The following MYO9A variants were observed in gnomAD, a reference collection of about 807,000 sequenced individuals.
The protein encoded by MYO9A is unconventional myosin-IXa.
A neutral mutation model predicts 293.3 loss-of-function variants in MYO9A; 103 were observed. The observed-to-expected ratio is 0.35, with a 90% CI of 0.30 to 0.41. MYO9A has a LOEUF of 0.41. Among genes scored for constraint, MYO9A ranks in the 10% least tolerant of loss-of-function variants. The pLI, the probability that MYO9A is intolerant of heterozygous loss-of-function variation, is 1.00. For synonymous variants in MYO9A, 1,001 were observed against 1,035.7 expected (o/e 0.97, Z 0.64); for missense variants, 2,685 against 3,033.0 (o/e 0.89, Z 2.69).
Position 71,851,248 on chromosome 15 carries a change from G to C in MYO9A, c.6581+5C>G. ...AAAAATCGTTCCCTTGCTTCTTAAA[G>C]TTACCTGACTAGATGAAAGATGAGG... On this transcript the variant is annotated splice_donor_5th_base_variant and intron_variant, in intron 37 of 41. Transcript: ENST00000356056. The C allele has an allele frequency of 6.2e-7, 1 of 1,606,944 alleles. No homozygotes were observed. Among genetic ancestry groups the C allele is most frequent in the South Asian group, 1.1e-5 (1 of 89,780 alleles).
At chr15:71,840,193 G>A (rs762166494) in intron 39 of MYO9A, among the ~76,000 whole-genome samples, 7 of 152,206 alleles carry the variant, frequency 4.6e-5, no homozygotes, top group Non-Finnish European at 8.8e-5. Flanking sequence ...GGGGACCCTG[G>A]AAACAATATC....
chr15:71,867,474 T>C (rs1195496164), intron 32 of MYO9A, among the ~76,000 whole-genome samples: 1 of 151,766 alleles, frequency 6.6e-6, no homozygotes, highest in Admixed American at 6.6e-5. Flanking sequence ...CAGGAAAACA[T>C]ACTTTCAACT....
chr15:72,114,085 T>A (rs190116592), intron 1 of MYO9A, among the ~76,000 whole-genome samples: 1 of 152,318 alleles, frequency 6.6e-6, no homozygotes, highest in Non-Finnish European at 1.5e-5. Flanking sequence ...TTTATTAGGT[T>A]CTTGTTCTTC....
chr15:71,983,305 T>A lies in MYO9A; in HGVS notation c.1723-5013A>T, dbSNP rs182307415. ...CTATTTTTGGCAATTCTAGAAAACA[T>A]GTATCCTTAACTTATCACTAACAGA... On this transcript the variant is annotated intron_variant, in intron 11 of 41. Coordinates refer to ENST00000356056, the MANE Select transcript of MYO9A (RefSeq NM_006901.4). 4.4e-3 allele frequency among the ~76,000 whole-genome samples: 668 copies of A among 152,060 alleles called. 30 individuals carry two copies. The highest frequency in any genetic ancestry group is 0.04 in the Admixed American group (609 of 15,274).
intron 39 of MYO9A, among the ~76,000 whole-genome samples, chr15:71,842,363 C>G (rs970938456): frequency 6.6e-6 from 1 of 151,838 alleles, no homozygotes; most frequent in Non-Finnish European, 1.5e-5. Flanking sequence ...GGTGACAGAG[C>G]GAGACTCTGT....
chr15:72,104,607 T>A (rs923283162), intron 1 of MYO9A, among the ~76,000 whole-genome samples: 13 of 152,322 alleles, frequency 8.5e-5, no homozygotes, highest in Admixed American at 2.0e-4. Context: ...CCATTCTGAT[T>A]AAACGAAGTA....
chr15:71,839,584 A>G (rs981802969), intron 39 of MYO9A, among the ~76,000 whole-genome samples: 1 of 151,948 alleles, frequency 6.6e-6, no homozygotes, highest in Non-Finnish European at 1.5e-5. Flanking sequence ...AACTTTTTAA[A>G]TTTTTTGTAG....
rs550452430 is a variant in MYO9A, at chr15:72,033,595, C to G, written c.841-1007G>C. ...ATATGAAATTCTAGAAAAGGCAAAA[C>G]AAGAATAACAGGAAGCAGATCAGCG... On this transcript the variant is annotated intron_variant, in intron 2 of 41. Coordinates refer to ENST00000356056, the MANE Select transcript of MYO9A (RefSeq NM_006901.4). Among the ~76,000 whole-genome samples, 59 of 152,166 alleles carry G rather than the reference C, an allele frequency of 3.9e-4. 2 individuals are homozygous for G. The South Asian group carries it at 0.012, about 32-fold the overall frequency.
intron 16 of MYO9A, among the ~76,000 whole-genome samples, chr15:71,936,808 A>C (rs945823990): frequency 2.6e-5 from 4 of 152,132 alleles, no homozygotes; most frequent in Non-Finnish European, 5.9e-5. Flanking sequence ...CCATTAAAAA[A>C]AAGTCAGTGA....
At chr15:71,843,958 T>C (rs1442156026) in intron 39 of MYO9A, among the ~76,000 whole-genome samples, 2 of 152,246 alleles carry the variant, frequency 1.3e-5, no homozygotes, top group East Asian at 1.9e-4. Flanking sequence ...CAAGACCCCA[T>C]AGTACTAATG....
rs374750000 is a variant in MYO9A, at chr15:72,115,802, G to C, written c.-72+1878C>G. On this transcript the variant is annotated intron_variant, in intron 1 of 41. Coordinates refer to ENST00000356056, the MANE Select transcript of MYO9A (RefSeq NM_006901.4). ...TCCTTTCTGTAGGTTCAACATAAAA[G>C]AATCATCAGGAATTTTTTTCAACTC... Among the ~76,000 whole-genome samples the C allele has an allele frequency of 2.6e-5, 4 of 152,154 alleles. No homozygotes were observed. In the East Asian group the frequency reaches 7.7e-4, roughly 29 times the overall value.
intron 1 of MYO9A, among the ~76,000 whole-genome samples, chr15:72,097,289 C>G (rs1489371870): frequency 6.6e-6 from 1 of 152,222 alleles, no homozygotes; most frequent in Admixed American, 6.5e-5. Context: ...CATCCACTAT[C>G]CTGATTAGTC....
intron 2 of MYO9A, among the ~76,000 whole-genome samples, chr15:72,044,844 T>C (rs1430240640): frequency 2.0e-5 from 3 of 152,186 alleles, no homozygotes; most frequent in South Asian, 4.1e-4. Context: ...TTTCTCCCCT[T>C]ATAGGGGGAT....
chr15:72,087,406 A>G (rs559991118), intron 1 of MYO9A, among the ~76,000 whole-genome samples: 3 of 152,250 alleles, frequency 2.0e-5, no homozygotes, highest in African/African-American at 7.2e-5. Context: ...CCACTTTTCA[A>G]GTGTGCTTGA....
chr15:72,091,697 AAAAT>A (rs1318561596), intron 1 of MYO9A, among the ~76,000 whole-genome samples: 1 of 146,636 alleles, frequency 6.8e-6, no homozygotes, highest in African/African-American at 2.5e-5. Flanking sequence ...AATACATCAG[AAAAT>A]ATATATTCTT....
chr15:72,032,998 AC>A (rs781191601), intron 2 of MYO9A, among the ~76,000 whole-genome samples: 10 of 152,004 alleles, frequency 6.6e-5, no homozygotes, highest in Non-Finnish European at 8.8e-5. Flanking sequence ...CTACAGGCCC[AC>A]GCCGCCAAGC....
intron 37 of MYO9A, among the ~76,000 whole-genome samples, chr15:71,850,765 CAAAAAAAAAAAAAAAAAAAAA>C (rs780727961): frequency 4.5e-5 from 2 of 44,142 alleles, no homozygotes; most frequent in Non-Finnish European, 8.1e-5. Flanking sequence ...AACTGTGTCT[CAAAAAAAAAAAAAAAAAAAAA>C]AAAAAAAAAA....
intron 32 of MYO9A, among the ~76,000 whole-genome samples, chr15:71,875,085 T>A (rs2056640669): frequency 6.6e-6 from 1 of 152,084 alleles, no homozygotes. Context: ...TTCATCCTTG[T>A]AATTGCACAA....
In MYO9A at chr15:71,827,864, G is replaced by A. The variant is rs1486201219; in HGVS notation, c.7183+20C>T. ...TTTGCAAAACAAATCTGGAGTCTTT[G>A]GTCTACCATGTTCACTTACCTGATT... On this transcript the variant is annotated intron_variant, in intron 41 of 41. Transcript: ENST00000356056. 30 of 1,601,258 alleles carry A rather than the reference G, an allele frequency of 1.9e-5. No homozygotes were observed. Among genetic ancestry groups the A allele is most frequent in the Non-Finnish European group, 2.5e-5 (29 of 1,175,696 alleles).
Sources: allele counts gnomAD v4.1 joint callset (sites outside exome capture counted in the v4.1 genomes callset), GRCh38; gene constraint gnomAD v4.1.1; transcripts MANE v1.5; gene names NCBI Gene and HGNC (gene_info 2026-07-23, HGNC 2026-07-21).